DOCK10: variants seen among roughly 807,000 people sequenced by gnomAD.
The protein encoded by DOCK10 is dedicator of cytokinesis 10, also known as dedicator of cytokinesis protein 10.
In DOCK10, 145 loss-of-function variants were observed where a neutral mutation model predicts 280.1. The ratio of observed to expected loss-of-function variants is 0.52; its 90% CI spans 0.45 to 0.59. DOCK10 has a LOEUF of 0.59. Ranked by LOEUF, DOCK10 falls within the 20% of genes least tolerant of loss-of-function variation. The pLI, the probability that DOCK10 is intolerant of heterozygous loss-of-function variation, is 0.00. For synonymous variants in DOCK10, 915 were observed against 942.2 expected (o/e 0.97, Z 0.53); for missense variants, 2,368 against 2,651.7 (o/e 0.89, Z 2.35).
intron 1 of DOCK10, among the ~76,000 whole-genome samples, chr2:224,962,766 C>T (rs1217116209): frequency 6.6e-6 from 1 of 152,186 alleles, no homozygotes; most frequent in Non-Finnish European, 1.5e-5. Flanking sequence ...CCACTCATAT[C>T]AGCCAAGTAT....
At chr2:224,971,644 TATTTAACTTTG>T (rs1362208761) in intron 1 of DOCK10, among the ~76,000 whole-genome samples, 3 of 152,242 alleles carry the variant, frequency 2.0e-5, no homozygotes, top group Non-Finnish European at 4.4e-5. Context: ...TACTTAATTT[TATTTAACTTTG>T]ATTTAACTTT....
chr2:224,923,625 AGCGGCCCAGCACTGC>A (rs1701892131), intron 2 of DOCK10, among the ~76,000 whole-genome samples: 2 of 152,210 alleles, frequency 1.3e-5, no homozygotes, highest in African/African-American at 4.8e-5. Flanking sequence ...TGGACTGAAG[AGCGGCCCAGCACTGC>A]CAGCTCTCAC....
chr2:224,851,783 C>A (rs1696759716), intron 18 of DOCK10, among the ~76,000 whole-genome samples: 1 of 152,098 alleles, frequency 6.6e-6, no homozygotes, highest in Non-Finnish European at 1.5e-5. Flanking sequence ...TACTATATAT[C>A]AAATATGAAC....
intron 52 of DOCK10, among the ~76,000 whole-genome samples, chr2:224,774,017 A>G (rs896624420): frequency 6.6e-6 from 1 of 152,202 alleles, no homozygotes; most frequent in Non-Finnish European, 1.5e-5. Flanking sequence ...CACAATACAG[A>G]ATGCCTAAAT....
At chr2:224,842,258 A>G (rs1696015004) in intron 22 of DOCK10, among the ~76,000 whole-genome samples, 1 of 152,180 alleles carries the variant, frequency 6.6e-6, no homozygotes, top group African/African-American at 2.4e-5. Context: ...AATTTCTTCT[A>G]TACCATCCTT....
chr2:224,970,178 T>C lies in DOCK10; in HGVS notation c.124-38510A>G, dbSNP rs1016981228. Reference sequence around the variant, plus strand: ...AGAATTAATCCAATCTAATAAACAGTATGTTTCTACTTGTAGAAGTAATTA... The same window carrying C: ...AGAATTAATCCAATCTAATAAACAGCATGTTTCTACTTGTAGAAGTAATTA... On this transcript the variant is annotated intron_variant, in intron 1 of 55. Coordinates refer to ENST00000258390, the MANE Select transcript of DOCK10 (RefSeq NM_014689.3). This position sits in a 1 kb window ranked among gnomAD's most constrained non-coding sequence, Gnocchi z 4.6. Among the ~76,000 whole-genome samples, 1 of 152,216 alleles carries C rather than the reference T, an allele frequency of 6.6e-6. No homozygotes were observed. Among genetic ancestry groups the C allele is most frequent in the African/African-American group, 2.4e-5 (1 of 41,464 alleles).
intron 42 of DOCK10, among the ~76,000 whole-genome samples, 181 bp downstream of exon 42, chr2:224,797,647 GCAGA>G (rs1447330080): frequency 6.6e-6 from 1 of 152,166 alleles, no homozygotes; most frequent in Non-Finnish European, 1.5e-5. Flanking sequence ...TGGTATTTGA[GCAGA>G]CAGATTGTCA....
intron 3 of DOCK10, among the ~76,000 whole-genome samples, chr2:224,907,772 C>G (rs1224591101): frequency 2.0e-5 from 3 of 151,076 alleles, no homozygotes. Context: ...TTAATATTTT[C>G]TTTTTCTGCA....
chr2:224,907,576 T>G (rs1700726756), intron 3 of DOCK10, among the ~76,000 whole-genome samples: 1 of 151,656 alleles, frequency 6.6e-6, no homozygotes, highest in African/African-American at 2.4e-5. Flanking sequence ...TAGTCCCAGC[T>G]ACTCAGGAGG....
chr2:224,953,928 A>ACAGT (rs1491031805), intron 1 of DOCK10, among the ~76,000 whole-genome samples: 3 of 133,068 alleles, frequency 2.3e-5, no homozygotes, highest in African/African-American at 8.8e-5. Flanking sequence ...CTGTGTGTGC[A>ACAGT]GAGTGTGTGT....
intron 1 of DOCK10, among the ~76,000 whole-genome samples, chr2:225,033,922 C>G (rs374006777): frequency 1.3e-5 from 2 of 152,120 alleles, no homozygotes; most frequent in African/African-American, 2.4e-5. Flanking sequence ...GTTGAAGGAG[C>G]CTTTGTTTGC....
intron 26 of DOCK10, among the ~76,000 whole-genome samples, chr2:224,832,819 C>T (rs982883822): frequency 6.6e-6 from 1 of 152,182 alleles, no homozygotes; most frequent in African/African-American, 2.4e-5. Context: ...CACTATTTTC[C>T]TTGAAACCAC....
At chr2:225,004,164 G>C (rs985715349) in intron 1 of DOCK10, among the ~76,000 whole-genome samples, 2 of 152,208 alleles carry the variant, frequency 1.3e-5, no homozygotes, top group African/African-American at 4.8e-5. Context: ...TTGGAAAAAG[G>C]CTCTTTGCAG....
intron 1 of DOCK10, among the ~76,000 whole-genome samples, chr2:224,967,819 TA>T (rs1446738537): frequency 6.6e-6 from 1 of 152,088 alleles, no homozygotes; most frequent in East Asian, 1.9e-4. Flanking sequence ...GAAGAAGTTT[TA>T]AAAAAATGAC....
chr2:224,791,631 A>ATTT (rs11399071), intron 47 of DOCK10, among the ~76,000 whole-genome samples: 5 of 139,228 alleles, frequency 3.6e-5, no homozygotes, highest in African/African-American at 8.0e-5. Context: ...CGCCCGGCTA[A>ATTT]TTTTTTTTTT....
At chr2:224,779,243 T>TA (rs1691119549) in intron 50 of DOCK10, among the ~76,000 whole-genome samples, 1 of 146,044 alleles carries the variant, frequency 6.8e-6, no homozygotes, top group South Asian at 2.2e-4. Flanking sequence ...TTTGGCAGAG[T>TA]CTTGCTCTGT....
chr2:224,789,996 G>A (rs974163582), intron 47 of DOCK10, among the ~76,000 whole-genome samples: 14 of 152,108 alleles, frequency 9.2e-5, no homozygotes, highest in Admixed American at 8.5e-4. Context: ...GGCTAGGCTG[G>A]TCTTAAACTA....
chr2:225,007,358 T>C (rs1253230864), intron 1 of DOCK10, among the ~76,000 whole-genome samples: 1 of 152,198 alleles, frequency 6.6e-6, no homozygotes, highest in Non-Finnish European at 1.5e-5. Flanking sequence ...ATAAAACCTG[T>C]AAATAGTCCA....
chr2:224,786,888 G>T lies in DOCK10; in HGVS notation c.5655+134C>A. 1.5e-6 allele frequency: 1 copy of T among 687,744 alleles called. No individual in the cohort carries two copies. The highest frequency in any genetic ancestry group is 2.6e-6 in the Non-Finnish European group (1 of 388,860). 42.6% of individuals were successfully genotyped at this position (687,744 alleles called of 1,614,324 possible). On this transcript the variant is annotated intron_variant, in intron 50 of 55. Transcript: ENST00000258390. The surrounding 1 kb of genome is among the most constrained non-coding windows in gnomAD (Gnocchi z 4.7). ...AAACATATAGACCATCACATCCAGAGAAACACTCAAGTATAGTCAGACACA... is the reference window on the plus strand; with the variant it reads ...AAACATATAGACCATCACATCCAGATAAACACTCAAGTATAGTCAGACACA...
Sources: gnomAD v4.1 joint callset for allele counts (sites outside exome capture counted in the v4.1 genomes callset) on GRCh38, gnomAD v4.1.1 for gene constraint, Gnocchi (gnomAD v3.1) non-coding constraint, MANE v1.5 for transcripts, NCBI Gene and HGNC (gene_info 2026-07-23, HGNC 2026-07-21) for gene names.